Variants in USP8 observed in about 807,000 individuals in gnomAD.
The protein encoded by USP8 is ubiquitin carboxyl-terminal hydrolase 8.
In USP8, 27 loss-of-function variants were observed where a neutral mutation model predicts 130.0. The ratio of observed to expected loss-of-function variants is 0.21; its 90% CI spans 0.15 to 0.29. The LOEUF (loss-of-function observed/expected upper bound fraction) is 0.29. Among genes scored for constraint, USP8 ranks in the 10% least tolerant of loss-of-function variants. The probability of loss-of-function intolerance (pLI) is 1.00; values close to 1 mark genes in which losing one functional copy is unlikely to be tolerated. For missense variants in USP8, 1,029 were observed against 1,312.2 expected, an observed-to-expected ratio of 0.78 and a Z score of 3.33; for synonymous variants, 392 against 444.1, an observed-to-expected ratio of 0.88 and a Z score of 1.48.
chr15:50,477,131 T>C, intron 9 of USP8, 138 bp downstream of exon 9: 1 of 1,348,966 alleles, frequency 7.4e-7, no homozygotes, highest in Non-Finnish European at 1.0e-6. Flanking sequence ...AATATAAGCC[T>C]GGAAGTTCAC....
At chr15:50,456,412 A>G (rs2050790678) in intron 4 of USP8, among the ~76,000 whole-genome samples, 1 of 151,632 alleles carries the variant, frequency 6.6e-6, no homozygotes, top group Admixed American at 6.6e-5. Context: ...TCTACTAAAA[A>G]TACAAAAATA....
chr15:50,498,871 A>C lies in USP8; in HGVS notation c.3172-32A>C, dbSNP rs1274913511. The C allele has an allele frequency of 3.2e-6, 5 of 1,567,204 alleles. No homozygotes were observed. The Admixed American group carries it at 9.8e-5, about 31-fold the overall frequency. On this transcript the variant is annotated intron_variant, in intron 19 of 19. Transcript: ENST00000307179. ...TATTTTAAATAACAATTTTAACTGA[A>C]TTGATTTTTTTTTCTATCTTGTTTG...
chr15:50,454,055 G>A (rs918458525), intron 4 of USP8, among the ~76,000 whole-genome samples: 11 of 151,772 alleles, frequency 7.2e-5, no homozygotes, highest in African/African-American at 2.4e-4. Context: ...GTAGAGATGG[G>A]GTTTTACCAT....
intron 5 of USP8, among the ~76,000 whole-genome samples, chr15:50,460,273 C>T (rs2050944535): frequency 1.4e-5 from 2 of 144,096 alleles, no homozygotes; most frequent in South Asian, 4.4e-4. Context: ...GCTGGGATTA[C>T]AGGCATGAGC....
intron 8 of USP8, among the ~76,000 whole-genome samples, chr15:50,475,008 C>G (rs2051513536): frequency 6.6e-6 from 1 of 152,150 alleles, no homozygotes; most frequent in Non-Finnish European, 1.5e-5. Flanking sequence ...ACTGAGGAGG[C>G]TGAGGCAGGA....
Position 50,482,036 on chromosome 15 carries a change from T to A in USP8, c.1774T>A (p.Ser592Thr), listed in dbSNP as rs758605290. ...KKSTGDVPHTSVTGDSGSGKP... is the reference protein window; with the variant it reads ...KKSTGDVPHTTVTGDSGSGKP... ...GTCAACAGGAGATGTGCCCCATACA[T>A]CTGTGACAGGGGATTCAGGTTCAGG... The change falls in exon 11 of 20, where the codon TCT (serine) becomes ACT (threonine). Residue 592 changes from serine (S) to threonine (T), a missense_variant. Around this residue, in one of 4 missense-constraint regions of USP8, gnomAD observed 486 missense variants for 522.0 expected, o/e 0.93. Coordinates refer to ENST00000307179, the MANE Select transcript of USP8 (RefSeq NM_005154.5). 5.9e-6 allele frequency: 9 copies of A among 1,526,728 alleles called. No individual in the cohort carries two copies. In the Admixed American group the frequency reaches 1.2e-4, roughly 20 times the overall value. 94.6% of individuals were successfully genotyped at this position (1,526,728 alleles called of 1,614,324 possible). A position where few individuals can be genotyped will look rare whatever the true frequency, so the allele number is the denominator to read the frequency against.
chr15:50,495,806 C>G, intron 16 of USP8, 42 bp from the exon 17 acceptor site: 1 of 1,459,422 alleles, frequency 6.9e-7, no homozygotes, highest in Non-Finnish European at 9.4e-7. Context: ...TAAATGTTTT[C>G]TTTGAGATAT....
chr15:50,477,587 C>A, intron 10 of USP8, 88 bp downstream of exon 10: 2 of 1,260,960 alleles, frequency 1.6e-6, no homozygotes, highest in Non-Finnish European at 2.2e-6. Flanking sequence ...CGCCTGTAAT[C>A]CCAGCACTTT....
intron 16 of USP8, among the ~76,000 whole-genome samples, chr15:50,495,484 GGA>G (rs752336766): frequency 0.16 from 18,990 of 115,424 alleles, 1,860 homozygotes; most frequent in Admixed American, 0.3. Context: ...AGTAGAGATT[GGA>G]GGGGGGGGTC....
At chr15:50,436,245 T>C (rs985563362) in intron 1 of USP8, among the ~76,000 whole-genome samples, 1 of 152,116 alleles carries the variant, frequency 6.6e-6, no homozygotes, top group African/African-American at 2.4e-5. Flanking sequence ...TAGTGGCTAA[T>C]TCCTAAAGAT....
At chr15:50,493,290 A>G (rs1439574844) in intron 15 of USP8, 1 of 515,100 alleles carries the variant, frequency 1.9e-6, no homozygotes, top group African/African-American at 1.9e-5. Flanking sequence ...GGAATATTTG[A>G]CGTGAATCTG....
chr15:50,457,882 GA>G (rs144529322), intron 4 of USP8, among the ~76,000 whole-genome samples: 23 of 124,078 alleles, frequency 1.9e-4, no homozygotes, highest in East Asian at 1.7e-3. Flanking sequence ...GAAAAGAAAA[GA>G]AAAAAAAAAG....
intron 5 of USP8, 139 bp from the exon 6 acceptor site, chr15:50,462,141 C>T (rs146133014): frequency 0.015 from 9,034 of 605,418 alleles, 139 homozygotes; most frequent in Non-Finnish European, 0.015. Context: ...CATTATTATT[C>T]GTCTGCGTTT....
At chr15:50,463,208 C>T (rs2051069525) in intron 6 of USP8, among the ~76,000 whole-genome samples, 1 of 152,142 alleles carries the variant, frequency 6.6e-6, no homozygotes, top group Non-Finnish European at 1.5e-5. Context: ...ACGATCACAC[C>T]ACTGTACTGC....
intron 7 of USP8, chr15:50,467,127 G>T: frequency 2.8e-6 from 1 of 359,692 alleles, no homozygotes; most frequent in Non-Finnish European, 5.0e-6. Flanking sequence ...ATTGATTACT[G>T]GTTGTTAAAA....
At chr15:50,455,671 G>T (rs1390269893) in intron 4 of USP8, among the ~76,000 whole-genome samples, 1 of 152,056 alleles carries the variant, frequency 6.6e-6, no homozygotes, top group Non-Finnish European at 1.5e-5. Flanking sequence ...TAGTTTTGTT[G>T]TTGTTGTTGT....
rs574478557 is a variant in USP8 at position 50,501,071 on chromosome 15, A to G, written c.*1983A>G. ...TATCATCTGTGAATAAAGAAAGACA[A>G]TATTTAGCAGCATCTGATTAATGTT... On this transcript the variant is annotated 3_prime_UTR_variant, in exon 20 of 20. Transcript: ENST00000307179. The G allele has an allele frequency of 1.5e-5, 7 of 456,834 alleles. No individual in the cohort carries two copies. Among genetic ancestry groups the G allele is most frequent in the Admixed American group, 3.4e-5 (1 of 29,734 alleles). 28.3% of individuals were successfully genotyped at this position (456,834 alleles called of 1,614,324 possible).
At chr15:50,428,952 T>C (rs1485636246) in intron 1 of USP8, among the ~76,000 whole-genome samples, 3 of 152,234 alleles carry the variant, frequency 2.0e-5, no homozygotes, top group Non-Finnish European at 4.4e-5. Context: ...GTCTGGTAAC[T>C]GAGACGGCCA....
At chr15:50,494,369 G>T in intron 16 of USP8, 89 bp downstream of exon 16, 1 of 1,140,902 alleles carries the variant, frequency 8.8e-7, no homozygotes, top group Non-Finnish European at 1.2e-6. Context: ...ATTCTAGTTG[G>T]TGATAGTTCA....
Sources: gnomAD v4.1 joint callset for allele counts (sites outside exome capture counted in the v4.1 genomes callset) on GRCh38, gnomAD v4.1.1 for gene constraint, gnomAD v4.1.1 regional missense constraint, MANE v1.5 for transcripts, NCBI Gene and HGNC (gene_info 2026-07-23, HGNC 2026-07-21) for gene names.